PAPPA2: variants seen among roughly 807,000 people sequenced by gnomAD.
PAPPA2 encodes pappalysin 2.
In PAPPA2, 86 loss-of-function variants were observed where a neutral mutation model predicts 176.4. The observed-to-expected ratio is 0.49, with a 90% CI of 0.41 to 0.58. The LOEUF is 0.58. PAPPA2 is among the 20% of genes least tolerant of loss of function. The probability of loss-of-function intolerance (pLI) is 0.00; values close to 1 mark genes in which losing one functional copy is unlikely to be tolerated. For synonymous variants in PAPPA2, 809 were observed against 852.2 expected, an observed-to-expected ratio of 0.95 and a Z score of 0.88; for missense variants, 2,073 against 2,256.9, an observed-to-expected ratio of 0.92 and a Z score of 1.65.
chr1:176,538,213 C>A (rs1311689057), intron 1 of PAPPA2, among the ~76,000 whole-genome samples: 2 of 152,196 alleles, frequency 1.3e-5, no homozygotes, highest in Non-Finnish European at 2.9e-5. Flanking sequence ...TTTCTCCTTT[C>A]CCATTCACTT....
intron 1 of PAPPA2, among the ~76,000 whole-genome samples, chr1:176,484,320 G>GTGTATT (rs1164014654): frequency 1.3e-5 from 2 of 152,294 alleles, no homozygotes; most frequent in African/African-American, 4.8e-5. Flanking sequence ...ATATGTGTAT[G>GTGTATT]TGTAGTTTTT....
rs537281474 is a variant in PAPPA2 at position 176,620,362 on chromosome 1, T to C, written c.1991+24767T>C. On this transcript the variant is annotated intron_variant, in intron 3 of 22. Transcript: ENST00000367662. ...TTGTCCAGCTTTGCTATTAGTTATA[T>C]TGATGCTATTTAGGCCACCTACTTC... 3.3e-5 allele frequency among the ~76,000 whole-genome samples: 5 copies of C among 152,290 alleles called. No homozygotes were observed. The South Asian group carries it at 8.3e-4, about 25-fold the overall frequency.
At chr1:176,779,683 T>C (rs1664629475) in intron 17 of PAPPA2, among the ~76,000 whole-genome samples, 1 of 152,168 alleles carries the variant, frequency 6.6e-6, no homozygotes, top group African/African-American at 2.4e-5. Context: ...CTGTGAAGAA[T>C]GTATGACTAT....
At chr1:176,497,809 A>G (rs897871847) in intron 1 of PAPPA2, among the ~76,000 whole-genome samples, 1 of 152,118 alleles carries the variant, frequency 6.6e-6, no homozygotes, top group African/African-American at 2.4e-5. Flanking sequence ...TCATGCATGT[A>G]CTATCATTTT....
intron 4 of PAPPA2, among the ~76,000 whole-genome samples, chr1:176,686,645 G>A (rs561491188): frequency 6.6e-6 from 1 of 152,160 alleles, no homozygotes; most frequent in Non-Finnish European, 1.5e-5. Flanking sequence ...CCCTCATGCT[G>A]CTGAGAGATG....
chr1:176,632,510 C>A (rs1398117302), intron 3 of PAPPA2, among the ~76,000 whole-genome samples: 2 of 151,744 alleles, frequency 1.3e-5, no homozygotes, highest in Non-Finnish European at 2.9e-5. Flanking sequence ...GCCTGGGCGA[C>A]AGAGAGAAAC....
chr1:176,574,251 A>G (rs552627208), intron 2 of PAPPA2, among the ~76,000 whole-genome samples: 1 of 152,308 alleles, frequency 6.6e-6, no homozygotes, highest in Non-Finnish European at 1.5e-5. Flanking sequence ...AATATTTATT[A>G]TGTGCTGAGC....
intron 3 of PAPPA2, among the ~76,000 whole-genome samples, chr1:176,606,985 A>C (rs962967089): frequency 6.6e-6 from 1 of 152,234 alleles, no homozygotes; most frequent in Non-Finnish European, 1.5e-5. Flanking sequence ...AACCATAAGC[A>C]ATTAGGAGCC....
intron 1 of PAPPA2, among the ~76,000 whole-genome samples, chr1:176,470,321 A>G (rs1651813079): frequency 6.6e-6 from 1 of 152,156 alleles, no homozygotes; most frequent in Admixed American, 6.5e-5. Context: ...TCTGCTTTTC[A>G]GAGGCCACAT....
intron 3 of PAPPA2, among the ~76,000 whole-genome samples, chr1:176,620,927 A>C (rs528089552): frequency 6.3e-4 from 96 of 152,188 alleles, no homozygotes; most frequent in Non-Finnish European, 9.6e-4. Flanking sequence ...TATGGACTCT[A>C]TACTAAAGGT....
In PAPPA2 at chr1:176,765,488, T is replaced by G. The variant is rs187272370; in HGVS notation, c.4152-178T>G. Among the ~76,000 whole-genome samples, 22 of 152,330 alleles carry G rather than the reference T, an allele frequency of 1.4e-4. No homozygotes were observed. Among genetic ancestry groups the G allele is most frequent in the Admixed American group, 2.6e-4 (4 of 15,304 alleles). ...GTTACTTGTTAGCTGTTAGTTTTTA[T>G]GTCTATTATGCTGCATGGTGTTGGG... On this transcript the variant is annotated intron_variant, in intron 14 of 22. Coordinates refer to ENST00000367662, the MANE Select transcript of PAPPA2 (RefSeq NM_020318.3).
At chr1:176,577,300 C>T (rs529355632) in intron 2 of PAPPA2, among the ~76,000 whole-genome samples, 1 of 152,298 alleles carries the variant, frequency 6.6e-6, no homozygotes, top group East Asian at 1.9e-4. Context: ...AAATCTGCTT[C>T]ATTGACTTCC....
chr1:176,639,139 T>C (rs1285744142), intron 3 of PAPPA2, among the ~76,000 whole-genome samples: 1 of 152,064 alleles, frequency 6.6e-6, no homozygotes, highest in Admixed American at 6.6e-5. Flanking sequence ...CTGGGAGAAA[T>C]GCCAGATGAA....
At chr1:176,716,371 AAGTAGCTGGAATTAC>A (rs1469405411) in intron 12 of PAPPA2, among the ~76,000 whole-genome samples, 1 of 148,618 alleles carries the variant, frequency 6.7e-6, no homozygotes, top group Non-Finnish European at 1.5e-5. Flanking sequence ...TCAGCCTCCC[AAGTAGCTGGAATTAC>A]AGGTGCCCGC....
intron 3 of PAPPA2, among the ~76,000 whole-genome samples, chr1:176,641,483 A>AAAGATCAGAT (rs1346666373): frequency 2.0e-5 from 3 of 151,296 alleles, no homozygotes; most frequent in African/African-American, 4.9e-5. Context: ...CAGGTTTGTC[A>AAAGATCAGAT]AAGATCAGAT....
intron 3 of PAPPA2, among the ~76,000 whole-genome samples, chr1:176,657,527 A>G (rs529613818): frequency 6.6e-6 from 1 of 152,176 alleles, no homozygotes; most frequent in East Asian, 1.9e-4. Flanking sequence ...AGAGAAGCTT[A>G]CTAGAAGGGT....
chr1:176,706,536 G>A (rs1394482349), intron 10 of PAPPA2, 86 bp downstream of exon 10: 9 of 1,135,156 alleles, frequency 7.9e-6, no homozygotes, highest in Non-Finnish European at 1.0e-5. Flanking sequence ...GTAACATCTA[G>A]CTTAGTGATT....
At position 176,808,908 on chromosome 1, in the gene PAPPA2, G is replaced by A. The variant is rs549674485; in HGVS notation, c.5202+8776G>A. 2.0e-5 allele frequency among the ~76,000 whole-genome samples: 3 copies of A among 152,294 alleles called. No homozygotes were observed. In the East Asian group the frequency reaches 5.8e-4, roughly 29 times the overall value. Reference sequence around the variant, plus strand: ...GTTCATGTATTGAATATTTTACTTAGAGAAAAGTTTGCAGTCACCATCCCC... The same window carrying A: ...GTTCATGTATTGAATATTTTACTTAAAGAAAAGTTTGCAGTCACCATCCCC... On this transcript the variant is annotated intron_variant, in intron 21 of 22. Coordinates refer to ENST00000367662, the MANE Select transcript of PAPPA2 (RefSeq NM_020318.3).
At chr1:176,536,256 C>G (rs767152899) in intron 1 of PAPPA2, among the ~76,000 whole-genome samples, 1 of 152,106 alleles carries the variant, frequency 6.6e-6, no homozygotes, top group African/African-American at 2.4e-5. Context: ...GATATTTTGC[C>G]CTGGACTGCT....
Sources: gnomAD v4.1 joint callset for allele counts (sites outside exome capture counted in the v4.1 genomes callset) on GRCh38, gnomAD v4.1.1 for gene constraint, MANE v1.5 for transcripts, NCBI Gene and HGNC (gene_info 2026-07-23, HGNC 2026-07-21) for gene names.